CIB4: variants seen among roughly 807,000 people sequenced by gnomAD.
CIB4 encodes calcium and integrin-binding family member 4.
CIB4 carries 25 observed loss-of-function variants against 25.8 expected under a neutral mutation model. The ratio of observed to expected loss-of-function variants is 0.97; its 90% CI spans 0.71 to 1.35. CIB4 has a LOEUF of 1.35. CIB4 is among the 40% of genes most tolerant of loss of function. CIB4 has a pLI of 0.00. For missense variants in CIB4, 235 were observed against 228.2 expected (o/e 1.03, Z -0.19); for synonymous variants, 75 against 81.4 (o/e 0.92, Z 0.42).
At chr2:26,634,542 C>T (rs901219147) in intron 2 of CIB4, among the ~76,000 whole-genome samples, 1 of 152,192 alleles carries the variant, frequency 6.6e-6, no homozygotes, top group Non-Finnish European at 1.5e-5. Flanking sequence ...TAATAACAAC[C>T]TTGTGAGATT....
intron 1 of CIB4, 61 bp from the exon 2 acceptor site, chr2:26,640,628 G>A: frequency 6.5e-7 from 1 of 1,543,744 alleles, no homozygotes; most frequent in South Asian, 1.2e-5. Context: ...TGGCCCCTGG[G>A]GAGTGGCGCA....
chr2:26,614,891 T>C (rs751981565), intron 3 of CIB4, among the ~76,000 whole-genome samples: 19 of 152,218 alleles, frequency 1.2e-4, no homozygotes, highest in Non-Finnish European at 1.5e-5. Flanking sequence ...GCCTCTCCAA[T>C]GCTGCACGTC....
intron 4 of CIB4, among the ~76,000 whole-genome samples, chr2:26,592,175 C>A (rs776572318): frequency 6.6e-6 from 1 of 152,278 alleles, no homozygotes; most frequent in Middle Eastern, 3.4e-3. Context: ...GGTTTGCAAC[C>A]GAAAGACTCT....
chr2:26,608,644 C>T (rs1668939719), intron 3 of CIB4, among the ~76,000 whole-genome samples: 1 of 152,312 alleles, frequency 6.6e-6, no homozygotes, highest in African/African-American at 2.4e-5. Flanking sequence ...AGCCTGCCAC[C>T]CAACAGGGGT....
intron 3 of CIB4, among the ~76,000 whole-genome samples, chr2:26,628,751 A>G (rs1269227653): frequency 1.3e-5 from 2 of 152,168 alleles, no homozygotes; most frequent in African/African-American, 4.8e-5. Context: ...CTTCTCAGAG[A>G]AGAACCTGAG....
intron 3 of CIB4, among the ~76,000 whole-genome samples, chr2:26,595,897 G>GCGCACACACACACACA (rs1491112511): frequency 3.1e-5 from 1 of 32,108 alleles, no homozygotes; most frequent in African/African-American, 5.2e-5. Flanking sequence ...TTATCTGCGC[G>GCGCACACACACACACA]CACACACACA....
intron 4 of CIB4, among the ~76,000 whole-genome samples, chr2:26,590,141 C>T (rs1329791896): frequency 1.3e-5 from 2 of 151,428 alleles, no homozygotes; most frequent in African/African-American, 4.9e-5. Context: ...TTTAGAGCAA[C>T]AGTTCTCACA....
chr2:26,634,976 G>A (rs951143781), intron 2 of CIB4, among the ~76,000 whole-genome samples: 3 of 152,368 alleles, frequency 2.0e-5, no homozygotes, highest in Middle Eastern at 3.4e-3. Context: ...GAGTCAGGCT[G>A]TGCCTTGCCC....
intron 2 of CIB4, among the ~76,000 whole-genome samples, chr2:26,635,606 G>T (rs868831126): frequency 6.6e-6 from 1 of 152,292 alleles, no homozygotes; most frequent in African/African-American, 2.4e-5. Context: ...GGCCTTGGTA[G>T]CCCAGGATGG....
intron 4 of CIB4, among the ~76,000 whole-genome samples, chr2:26,592,507 G>A (rs962495841): frequency 3.9e-5 from 6 of 152,098 alleles, no homozygotes; most frequent in Non-Finnish European, 7.4e-5. Context: ...TCAAATGTAG[G>A]ACATTTGGGG....
intron 3 of CIB4, among the ~76,000 whole-genome samples, chr2:26,596,885 G>A (rs140543564): frequency 6.6e-5 from 10 of 152,266 alleles, no homozygotes; most frequent in African/African-American, 2.4e-4. Context: ...ACTTAAAGAT[G>A]AGTTATATGT....
intron 3 of CIB4, among the ~76,000 whole-genome samples, chr2:26,611,565 T>C (rs972718615): frequency 6.6e-6 from 1 of 152,228 alleles, no homozygotes; most frequent in Non-Finnish European, 1.5e-5. Context: ...ATTTTAATGA[T>C]TGCGTAGTTC....
intron 2 of CIB4, among the ~76,000 whole-genome samples, chr2:26,638,442 C>CGA (rs944187318): frequency 2.0e-4 from 30 of 152,114 alleles, no homozygotes; most frequent in African/African-American, 7.2e-4. Context: ...GATCGATGTT[C>CGA]GAGAGAGAGC....
chr2:26,622,391 C>T (rs1309743742), intron 3 of CIB4, among the ~76,000 whole-genome samples: 1 of 151,886 alleles, frequency 6.6e-6, no homozygotes, highest in Non-Finnish European at 1.5e-5. Context: ...AATAATAATA[C>T]AAAACATTGA....
chr2:26,639,267 T>C (rs558786630), intron 2 of CIB4, among the ~76,000 whole-genome samples: 21 of 152,176 alleles, frequency 1.4e-4, no homozygotes, highest in African/African-American at 4.8e-4. Flanking sequence ...TACATAGGTA[T>C]ACACATGTCA....
At chr2:26,634,084 T>C (rs1669486489) in intron 2 of CIB4, among the ~76,000 whole-genome samples, 1 of 152,162 alleles carries the variant, frequency 6.6e-6, no homozygotes, top group Non-Finnish European at 1.5e-5. Context: ...TGTAAAAGGA[T>C]CTGCCCTCCC....
chr2:26,611,929 C>A (rs1226792388), intron 3 of CIB4, among the ~76,000 whole-genome samples: 1 of 151,868 alleles, frequency 6.6e-6, no homozygotes, highest in South Asian at 2.1e-4. Flanking sequence ...GGGGAAAAGA[C>A]GGCAAAAGAA....
chr2:26,610,850 A>G (rs1306149845), intron 3 of CIB4, among the ~76,000 whole-genome samples: 2 of 152,234 alleles, frequency 1.3e-5, no homozygotes, highest in Non-Finnish European at 2.9e-5. Flanking sequence ...ACTTAACCAA[A>G]TAAGAGGAAA....
chr2:26,636,554 A>G (rs562979641), intron 2 of CIB4, among the ~76,000 whole-genome samples: 6 of 152,058 alleles, frequency 3.9e-5, no homozygotes, highest in Non-Finnish European at 7.4e-5. Flanking sequence ...TCCCTTCACT[A>G]TCTTCCTTGT....
Sources: allele counts gnomAD v4.1 joint callset (sites outside exome capture counted in the v4.1 genomes callset), GRCh38; gene constraint gnomAD v4.1.1; transcripts MANE v1.5; gene names NCBI Gene and HGNC (gene_info 2026-07-23, HGNC 2026-07-21).